CELF2: variants seen among roughly 807,000 people sequenced by gnomAD.
The protein encoded by CELF2 is CUG triplet repeat RNA-binding protein 2.
In CELF2, 8 loss-of-function variants were observed where a neutral mutation model predicts 62.6. The ratio of observed to expected loss-of-function variants is 0.13; its 90% CI spans 0.07 to 0.23. The LOEUF is 0.23. Among genes scored for constraint, CELF2 ranks in the 10% least tolerant of loss-of-function variants. CELF2 has a pLI of 1.00. For synonymous variants in CELF2, 258 were observed against 250.0 expected (o/e 1.03, Z -0.30); for missense variants, 333 against 671.0 (o/e 0.50, Z 5.56).
the CELF2 span, among the ~76,000 whole-genome samples, chr10:10,539,049 C>T: frequency 6.6e-6 from 1 of 152,204 alleles, no homozygotes; most frequent in Non-Finnish European, 1.5e-5. Context: ...CATCCAGATG[C>T]TTTATGAAAT....
Position 11,096,967 on chromosome 10 carries a change from G to A in CELF2, c.75-68519G>A, listed in dbSNP as rs140095778. ...TCCTTCCTTCCTTTCTATATTACTA[G>A]TTCCTTATGTCTTTAAATGTATGCC... On this transcript the variant is annotated intron_variant, in intron 1 of 12. Coordinates refer to ENST00000633077, the MANE Select transcript of CELF2 (RefSeq NM_001326342.2). Among the ~76,000 whole-genome samples, 135 of 152,088 alleles carry A rather than the reference G, an allele frequency of 8.9e-4. 2 individuals are homozygous for A. Among genetic ancestry groups the A allele is most frequent in the Non-Finnish European group, 1.5e-3 (100 of 67,990 alleles).
chr10:11,035,097 T>C (rs1186091442), intron 1 of CELF2, among the ~76,000 whole-genome samples: 1 of 152,186 alleles, frequency 6.6e-6, no homozygotes, highest in Non-Finnish European at 1.5e-5. Flanking sequence ...CTGATCCTTA[T>C]CACCGCCTTT....
At chr10:10,978,742 T>C (rs1206742971) in intron 2 of CELF2, among the ~76,000 whole-genome samples, 1 of 152,208 alleles carries the variant, frequency 6.6e-6, no homozygotes, top group Non-Finnish European at 1.5e-5. Context: ...GGTAGGCCAA[T>C]ACCCTAAGTT....
intron 3 of CELF2, among the ~76,000 whole-genome samples, chr10:11,231,730 G>A (rs59366427): frequency 7.1e-6 from 1 of 140,282 alleles, no homozygotes; most frequent in Non-Finnish European, 1.5e-5. Context: ...GAAACGTTTA[G>A]TCTTTGATAG....
chr10:10,982,614 A>G (rs777153684), intron 2 of CELF2, among the ~76,000 whole-genome samples: 1 of 152,178 alleles, frequency 6.6e-6, no homozygotes, highest in South Asian at 2.1e-4. Context: ...CCAGGATTTT[A>G]AAGTATGCTG....
chr10:10,643,823 G>A, the CELF2 span, among the ~76,000 whole-genome samples: 1 of 152,058 alleles, frequency 6.6e-6, no homozygotes, highest in East Asian at 1.9e-4. Flanking sequence ...ATTTTAAATT[G>A]TGACAGTCTT....
chr10:10,620,729 C>G, the CELF2 span, among the ~76,000 whole-genome samples: 1 of 150,504 alleles, frequency 6.6e-6, no homozygotes, highest in Non-Finnish European at 1.5e-5. Context: ...GGTGAAACCC[C>G]CTCTCTACTA....
intron 7 of CELF2, among the ~76,000 whole-genome samples, chr10:11,273,212 A>G (rs996194114): frequency 6.6e-6 from 1 of 151,892 alleles, no homozygotes; most frequent in Non-Finnish European, 1.5e-5. Flanking sequence ...AGGGTCCCCA[A>G]CCCCTGGGCT....
At chr10:10,515,861 C>T in the CELF2 span, among the ~76,000 whole-genome samples, 1 of 152,096 alleles carries the variant, frequency 6.6e-6, no homozygotes, top group Admixed American at 6.6e-5. Flanking sequence ...TGAACATCTC[C>T]GAAACAGGGA....
At chr10:11,289,777 G>T (rs1193325576) in intron 9 of CELF2, among the ~76,000 whole-genome samples, 1 of 152,146 alleles carries the variant, frequency 6.6e-6, no homozygotes, top group African/African-American at 2.4e-5. Flanking sequence ...TTAAGTGATA[G>T]CTTCAGTGCA....
intron 2 of CELF2, among the ~76,000 whole-genome samples, chr10:10,949,235 T>G (rs1451281534): frequency 3.3e-5 from 5 of 152,062 alleles, no homozygotes; most frequent in African/African-American, 4.8e-5. Context: ...TCCCATATTC[T>G]CTCTCCTTTC....
intron 1 of CELF2, among the ~76,000 whole-genome samples, chr10:10,831,183 C>T (rs923266002): frequency 1.3e-5 from 2 of 152,198 alleles, no homozygotes; most frequent in African/African-American, 4.8e-5. Flanking sequence ...TTGCGCACTT[C>T]AAGTACGTTA....
Position 11,018,253 on chromosome 10 carries a change from C to T in CELF2, c.74+90C>T, listed in dbSNP as rs558651299. On this transcript the variant is annotated intron_variant, in intron 1 of 12. Transcript: ENST00000633077. ...AGGGGACGGGCGTCGCCCGCAGCTCCCGGGCGCGACTCGGCCGCTTCGGAT... is the reference window on the plus strand; with the variant it reads ...AGGGGACGGGCGTCGCCCGCAGCTCTCGGGCGCGACTCGGCCGCTTCGGAT... 1.2e-4 allele frequency: 137 copies of T among 1,145,480 alleles called. 2 individuals are homozygous for T. The South Asian group carries it at 2.1e-3, about 17-fold the overall frequency. 71.0% of individuals were successfully genotyped at this position (1,145,480 alleles called of 1,614,324 possible). A position where few individuals can be genotyped will look rare whatever the true frequency, so the allele number is the denominator to read the frequency against.
intron 1 of CELF2, among the ~76,000 whole-genome samples, chr10:10,916,878 G>T (rs1408419213): frequency 6.6e-6 from 1 of 151,328 alleles, no homozygotes; most frequent in African/African-American, 2.4e-5. Flanking sequence ...CTCCCAAAGT[G>T]CTGGGATTAC....
At chr10:10,614,385 G>C in the CELF2 span, among the ~76,000 whole-genome samples, 1 of 152,008 alleles carries the variant, frequency 6.6e-6, no homozygotes, top group Non-Finnish European at 1.5e-5. Context: ...ATCCCTATAA[G>C]GCAGCCTCTC....
chr10:11,209,758 C>T (rs1277195428), intron 2 of CELF2, among the ~76,000 whole-genome samples: 1 of 148,606 alleles, frequency 6.7e-6, no homozygotes, highest in African/African-American at 2.5e-5. Context: ...ACAAAATGCC[C>T]CACTTAGATC....
chr10:11,153,321 C>A (rs1210035041), intron 1 of CELF2, among the ~76,000 whole-genome samples: 1 of 152,106 alleles, frequency 6.6e-6, no homozygotes, highest in Non-Finnish European at 1.5e-5. Context: ...CACAGAGCTG[C>A]TTGTCACCGA....
At chr10:10,626,637 C>T in the CELF2 span, among the ~76,000 whole-genome samples, 22 of 152,254 alleles carry the variant, frequency 1.4e-4, no homozygotes, top group Admixed American at 1.1e-3. Context: ...TACTTTTAAG[C>T]GTTCCTATAT....
chr10:10,782,328 A>G, the CELF2 span, among the ~76,000 whole-genome samples: 12 of 152,220 alleles, frequency 7.9e-5, no homozygotes, highest in Admixed American at 7.9e-4. Context: ...GTTCGTATAA[A>G]TCGCAGTGTG....
Sources: gnomAD v4.1 joint callset for allele counts (sites outside exome capture counted in the v4.1 genomes callset) on GRCh38, gnomAD v4.1.1 for gene constraint, MANE v1.5 for transcripts, NCBI Gene and HGNC (gene_info 2026-07-23, HGNC 2026-07-21) for gene names.